CLMP: variants seen among roughly 807,000 people sequenced by gnomAD.
CLMP encodes CXADR like cell adhesion molecule.
A neutral mutation model predicts 45.2 loss-of-function variants in CLMP; 27 were observed. That is an observed-to-expected ratio of 0.60 (90% CI 0.44 to 0.82). CLMP has a LOEUF of 0.82. CLMP is among the 40% of genes least tolerant of loss of function. The pLI is 0.00. For missense variants in CLMP, 403 were observed against 448.4 expected, an observed-to-expected ratio of 0.90 and a Z score of 0.91; for synonymous variants, 167 against 171.4, an observed-to-expected ratio of 0.97 and a Z score of 0.20.
intron 1 of CLMP, among the ~76,000 whole-genome samples, chr11:123,098,799 C>G (rs1476115337): frequency 6.6e-6 from 1 of 151,166 alleles, no homozygotes; most frequent in African/African-American, 2.4e-5. Context: ...CTCCGTCCCC[C>G]AGGTTCAAGC....
At chr11:123,108,839 A>G (rs1591461413) in intron 1 of CLMP, among the ~76,000 whole-genome samples, 2 of 152,080 alleles carry the variant, frequency 1.3e-5, no homozygotes, top group East Asian at 1.9e-4. Flanking sequence ...GGATCACCTG[A>G]GGTCGGGAGT....
chr11:123,087,052 A>C (rs181329757), intron 2 of CLMP, among the ~76,000 whole-genome samples: 1 of 151,724 alleles, frequency 6.6e-6, no homozygotes, highest in Non-Finnish European at 1.5e-5. Flanking sequence ...AAAATTAGAC[A>C]GGTGGCCTGA....
intron 2 of CLMP, among the ~76,000 whole-genome samples, chr11:123,093,958 CTT>C (rs1378018103): frequency 6.6e-6 from 1 of 152,126 alleles, no homozygotes. Context: ...GCAGATCTCT[CTT>C]GATGTTTTAG....
At chr11:123,166,533 G>T (rs982864631) in intron 1 of CLMP, among the ~76,000 whole-genome samples, 2 of 152,194 alleles carry the variant, frequency 1.3e-5, no homozygotes, top group Non-Finnish European at 1.5e-5. Flanking sequence ...GCCGTGTTTG[G>T]ACTAGAAGGC....
Position 123,175,221 on chromosome 11 carries a change from T to C in CLMP, c.28+19692A>G, listed in dbSNP as rs561352077. ...GGGTAATTTATAAAGAAAGGTTTAA[T>C]TGACAGTTCTGCGTAGCTGGGGAGG... On this transcript the variant is annotated intron_variant, in intron 1 of 6. Coordinates refer to ENST00000448775, the MANE Select transcript of CLMP (RefSeq NM_024769.5). 1.1e-3 allele frequency among the ~76,000 whole-genome samples: 165 copies of C among 151,322 alleles called. 1 individual carries two copies. The highest frequency in any genetic ancestry group is 3.4e-3 in the Middle Eastern group (1 of 294).
chr11:123,168,660 G>T (rs1048087416), intron 1 of CLMP, among the ~76,000 whole-genome samples: 2 of 152,058 alleles, frequency 1.3e-5, no homozygotes, highest in African/African-American at 4.8e-5. Flanking sequence ...GAAGTCCTCT[G>T]CAATCGGATC....
At chr11:123,075,025 G>A (rs1379561696) in intron 5 of CLMP, among the ~76,000 whole-genome samples, 182 bp from the exon 6 acceptor site, 1 of 151,040 alleles carries the variant, frequency 6.6e-6, no homozygotes, top group Non-Finnish European at 1.5e-5. Context: ...GCATGATCTC[G>A]GCTCATCGCA....
intron 1 of CLMP, among the ~76,000 whole-genome samples, chr11:123,150,486 AGG>A (rs1491008957): frequency 6.0e-5 from 7 of 117,340 alleles, no homozygotes; most frequent in East Asian, 2.8e-4. Flanking sequence ...AAAGAAAGGA[AGG>A]AAGGAAGGAA....
chr11:123,140,350 G>A (rs916000204), intron 1 of CLMP, among the ~76,000 whole-genome samples: 1 of 152,142 alleles, frequency 6.6e-6, no homozygotes, highest in Admixed American at 6.6e-5. Flanking sequence ...ACCTCTGAAA[G>A]GTTATTAGAT....
At chr11:123,142,644 G>C (rs1313534978) in intron 1 of CLMP, among the ~76,000 whole-genome samples, 1 of 107,038 alleles carries the variant, frequency 9.3e-6, no homozygotes, top group African/African-American at 4.8e-5. Flanking sequence ...TTTTTGAGAC[G>C]GAGTCTCGCT....
intron 1 of CLMP, among the ~76,000 whole-genome samples, chr11:123,134,116 C>A (rs1042411602): frequency 6.6e-6 from 1 of 151,902 alleles, no homozygotes; most frequent in African/African-American, 2.4e-5. Context: ...AAAAATTCGC[C>A]AGGCGTGGTG....
intron 1 of CLMP, among the ~76,000 whole-genome samples, chr11:123,181,418 C>T (rs1290727317): frequency 2.0e-5 from 3 of 152,222 alleles, no homozygotes; most frequent in African/African-American, 7.2e-5. Flanking sequence ...CGATTGCTTT[C>T]GCCTCATGGT....
At chr11:123,111,523 C>G (rs534683912) in intron 1 of CLMP, among the ~76,000 whole-genome samples, 336 of 152,328 alleles carry the variant, frequency 2.2e-3, no homozygotes, top group African/African-American at 7.1e-3. Flanking sequence ...CTGAAAAGAA[C>G]TGGCCCATCC....
chr11:123,115,773 G>A (rs1860712203), intron 1 of CLMP, among the ~76,000 whole-genome samples: 1 of 152,142 alleles, frequency 6.6e-6, no homozygotes, highest in African/African-American at 2.4e-5. Context: ...GTGTTCTTCT[G>A]TATGTATATT....
At position 123,096,369 on chromosome 11, in the gene CLMP, C is replaced by A. The variant is rs541968447; in HGVS notation, c.186+1426G>T. 3.3e-5 allele frequency among the ~76,000 whole-genome samples: 5 copies of A among 151,704 alleles called. No homozygotes were observed. The East Asian group carries it at 9.7e-4, about 29-fold the overall frequency. On this transcript the variant is annotated intron_variant, in intron 2 of 6. Coordinates refer to ENST00000448775, the MANE Select transcript of CLMP (RefSeq NM_024769.5). ...ACTTCATCTCAAACAACAACAACAA[C>A]AAAAATCAGCCAGGCGTGGTGGTGC... is the stretch of plus-strand genomic sequence containing the variant.
At chr11:123,173,257 T>C (rs1406211287) in intron 1 of CLMP, among the ~76,000 whole-genome samples, 1 of 152,256 alleles carries the variant, frequency 6.6e-6, no homozygotes, top group African/African-American at 2.4e-5. Flanking sequence ...TAATTTCCCA[T>C]GATATGAGAC....
At position 123,180,422 on chromosome 11, in the gene CLMP, C is replaced by T. The variant is rs116723623; in HGVS notation, c.28+14491G>A. Reference sequence around the variant, plus strand: ...GAGAGCTCCCTTACCCCTTCCACCACGTGGCTCTCTATGAACGAGGAAGCA... The same window carrying T: ...GAGAGCTCCCTTACCCCTTCCACCATGTGGCTCTCTATGAACGAGGAAGCA... On this transcript the variant is annotated intron_variant, in intron 1 of 6. Coordinates refer to ENST00000448775, the MANE Select transcript of CLMP (RefSeq NM_024769.5). Among the ~76,000 whole-genome samples, 1,153 of 152,234 alleles carry T rather than the reference C, an allele frequency of 7.6e-3. 13 individuals are homozygous for T. Among genetic ancestry groups the T allele is most frequent in the African/African-American group, 0.026 (1,098 of 41,540 alleles).
rs190566706 is a variant in CLMP at position 123,132,382 on chromosome 11, T to C, written c.29-34430A>G. Among the ~76,000 whole-genome samples the C allele has an allele frequency of 3.9e-4, 60 of 152,328 alleles. 2 individuals carry two copies. In the East Asian group the frequency reaches 9.6e-3, roughly 24 times the overall value. On this transcript the variant is annotated intron_variant, in intron 1 of 6. Coordinates refer to ENST00000448775, the MANE Select transcript of CLMP (RefSeq NM_024769.5). The stretch of plus-strand genomic sequence containing the variant: ...GTTTCCTAAATCACAGTTTCCCCAA[T>C]GTTTTCTATTCCTCTGTGCTCTGAG...
At chr11:123,078,844 C>T (rs1865770129) in intron 5 of CLMP, among the ~76,000 whole-genome samples, 1 of 152,070 alleles carries the variant, frequency 6.6e-6, no homozygotes, top group Non-Finnish European at 1.5e-5. Flanking sequence ...TGGCGTTTCA[C>T]CATGTTAGCC....
Sources: allele counts gnomAD v4.1 joint callset (sites outside exome capture counted in the v4.1 genomes callset), GRCh38; gene constraint gnomAD v4.1.1; transcripts MANE v1.5; gene names NCBI Gene and HGNC (gene_info 2026-07-23, HGNC 2026-07-21).